FNBP1L: variants seen among roughly 807,000 people sequenced by gnomAD.
FNBP1L encodes the protein formin binding protein 1 like.
FNBP1L carries 36 observed loss-of-function variants against 91.2 expected under a neutral mutation model. The observed-to-expected ratio is 0.39, with a 90% CI of 0.30 to 0.52. FNBP1L has a LOEUF of 0.52. Among genes scored for constraint, FNBP1L ranks in the 20% least tolerant of loss-of-function variants. FNBP1L has a pLI of 0.66. For missense variants in FNBP1L, 571 were observed against 732.1 expected (o/e 0.78, Z 2.54); for synonymous variants, 242 against 237.0 (o/e 1.02, Z -0.19).
intron 1 of FNBP1L, among the ~76,000 whole-genome samples, chr1:93,460,347 C>A (rs1001418070): frequency 1.3e-5 from 2 of 152,184 alleles, no homozygotes; most frequent in Non-Finnish European, 2.9e-5. Context: ...ACCAGTTTTC[C>A]TGGCACCTTG....
intron 2 of FNBP1L, among the ~76,000 whole-genome samples, chr1:93,514,994 G>A (rs1245017909): frequency 6.6e-6 from 1 of 152,076 alleles, no homozygotes; most frequent in Non-Finnish European, 1.5e-5. Context: ...CTACAAAATG[G>A]GAGAAAATTT....
intron 5 of FNBP1L, among the ~76,000 whole-genome samples, chr1:93,526,825 T>C (rs1671510391): frequency 1.3e-5 from 2 of 152,174 alleles, no homozygotes; most frequent in African/African-American, 4.8e-5. Context: ...CAAGGAATTA[T>C]TAGGTAGGTG....
intron 2 of FNBP1L, among the ~76,000 whole-genome samples, chr1:93,500,420 A>T (rs1233375074): frequency 6.6e-6 from 1 of 152,164 alleles, no homozygotes; most frequent in Non-Finnish European, 1.5e-5. Context: ...ATCCTGGAGA[A>T]GAATGATGGT....
At chr1:93,482,526 GAAGTT>G (rs1209667895) in intron 1 of FNBP1L, among the ~76,000 whole-genome samples, 2 of 152,124 alleles carry the variant, frequency 1.3e-5, no homozygotes, top group African/African-American at 4.8e-5. Flanking sequence ...TTCTTGAAAT[GAAGTT>G]ATTTTTAAAA....
intron 1 of FNBP1L, among the ~76,000 whole-genome samples, chr1:93,477,316 C>T (rs1012050843): frequency 2.6e-5 from 4 of 152,154 alleles, no homozygotes; most frequent in Admixed American, 6.6e-5. Context: ...TGAGCTGAGA[C>T]ACATGTATAA....
At chr1:93,532,456 C>T (rs112369201) in intron 7 of FNBP1L, among the ~76,000 whole-genome samples, 154 of 118,646 alleles carry the variant, frequency 1.3e-3, no homozygotes, top group African/African-American at 4.6e-3. Context: ...GGCGACAGAG[C>T]GAGACTCCGC....
At chr1:93,547,841 C>T (rs1229002062) in intron 14 of FNBP1L, among the ~76,000 whole-genome samples, 3 of 152,112 alleles carry the variant, frequency 2.0e-5, no homozygotes, top group Admixed American at 6.6e-5. Context: ...TGGACCAGAG[C>T]TTCCAAAAGA....
intron 1 of FNBP1L, among the ~76,000 whole-genome samples, chr1:93,493,989 A>C (rs767782691): frequency 1.3e-5 from 2 of 152,138 alleles, no homozygotes; most frequent in African/African-American, 4.8e-5. Flanking sequence ...TTACAGTTCA[A>C]TTTTGTCACT....
At chr1:93,463,677 T>C (rs990136245) in intron 1 of FNBP1L, among the ~76,000 whole-genome samples, 2 of 152,162 alleles carry the variant, frequency 1.3e-5, no homozygotes, top group Non-Finnish European at 2.9e-5. Context: ...TGTATTGCAG[T>C]ACCAGAGTTG....
chr1:93,505,439 A>C (rs769340834), intron 2 of FNBP1L, among the ~76,000 whole-genome samples: 1 of 152,120 alleles, frequency 6.6e-6, no homozygotes, highest in Admixed American at 6.5e-5. Flanking sequence ...GCAACTTAGA[A>C]CTTTGTAAAA....
chr1:93,550,445 G>C (rs1238755914), intron 15 of FNBP1L, among the ~76,000 whole-genome samples: 1 of 152,184 alleles, frequency 6.6e-6, no homozygotes, highest in Non-Finnish European at 1.5e-5. Context: ...GTTGGGGATA[G>C]AGAGTGAAAG....
chr1:93,461,548 C>T lies in FNBP1L; in HGVS notation c.24+13243C>T, dbSNP rs188958547. Among the ~76,000 whole-genome samples, 47 of 145,890 alleles carry T rather than the reference C, an allele frequency of 3.2e-4. 1 individual carries two copies. Among genetic ancestry groups the T allele is most frequent in the Admixed American group, 2.5e-3 (36 of 14,366 alleles). On this transcript the variant is annotated intron_variant, in intron 1 of 16. Coordinates refer to ENST00000271234, the MANE Select transcript of FNBP1L (RefSeq NM_001164473.3). Reference sequence around the variant, plus strand: ...CTAACCATCGTGTTTGTATTTAAGGCGCAAAAAAAAAAGCAGGGAACAACA... The same window carrying T: ...CTAACCATCGTGTTTGTATTTAAGGTGCAAAAAAAAAAGCAGGGAACAACA...
chr1:93,478,691 T>C (rs567597952), intron 1 of FNBP1L, among the ~76,000 whole-genome samples: 1 of 152,304 alleles, frequency 6.6e-6, no homozygotes, highest in South Asian at 2.1e-4. Flanking sequence ...TGGAGATTGT[T>C]TTAAGTGAGT....
At chr1:93,522,687 A>G (rs1671369811) in intron 3 of FNBP1L, among the ~76,000 whole-genome samples, 1 of 152,192 alleles carries the variant, frequency 6.6e-6, no homozygotes, top group South Asian at 2.1e-4. Context: ...TAGGATTCTC[A>G]GGTTTAGTGT....
In FNBP1L at chr1:93,522,109, A is replaced by G. The variant is rs374895773; in HGVS notation, c.168A>G (p.Lys56=). The stretch of plus-strand genomic sequence containing the variant: ...ATCTGGTTAAGAAGTACTGCCCCAA[A>G]CGTTCATCCAAAGATGAAGAGCCAC... ...LRNLVKKYCP[K]RSSKDEEPRF... is the part of the protein sequence containing the mutation. The change falls in exon 3 of 17, where the codon AAA becomes AAG. Residue 56 remains lysine, a synonymous_variant. Coordinates refer to ENST00000271234, the MANE Select transcript of FNBP1L (RefSeq NM_001164473.3). 2 of 1,521,718 alleles carry G rather than the reference A, an allele frequency of 1.3e-6. No individual in the cohort carries two copies. Among genetic ancestry groups the G allele is most frequent in the Non-Finnish European group, 8.8e-7 (1 of 1,133,996 alleles). 94.3% of individuals were successfully genotyped at this position (1,521,718 alleles called of 1,614,324 possible).
chr1:93,546,900 G>A lies in FNBP1L; in HGVS notation c.1333G>A (p.Gly445Arg). The change falls in exon 13 of 17, where the codon GGG (glycine) becomes AGG (arginine). Residue 445 changes from glycine to arginine, a missense_variant. Transcript: ENST00000271234. ...GAAGAATCCACAAATGGGGGATCCA[G>A]GGAGTTTGCAGCCTAAATTAGCAGA... ...YEKNPQMGDP[G>R]SLQPKLAETM... 6.2e-7 allele frequency: 1 copy of A among 1,613,032 alleles called. No homozygotes were observed. The highest frequency in any genetic ancestry group is 8.5e-7 in the Non-Finnish European group (1 of 1,179,474).
At chr1:93,526,716 A>G (rs1671507065) in intron 5 of FNBP1L, among the ~76,000 whole-genome samples, 1 of 152,266 alleles carries the variant, frequency 6.6e-6, no homozygotes, top group Non-Finnish European at 1.5e-5. Context: ...GGGAAAAACA[A>G]TCTTTTCTGG....
At chr1:93,449,407 C>G (rs879468768) in intron 1 of FNBP1L, among the ~76,000 whole-genome samples, 1 of 152,082 alleles carries the variant, frequency 6.6e-6, no homozygotes, top group Non-Finnish European at 1.5e-5. Context: ...GCCTTTTGTT[C>G]GCGAGGATCT....
intron 10 of FNBP1L, among the ~76,000 whole-genome samples, chr1:93,536,759 C>T (rs1157101393): frequency 6.6e-6 from 1 of 151,782 alleles, no homozygotes; most frequent in Non-Finnish European, 1.5e-5. Flanking sequence ...ATATGTTCAC[C>T]ATTGTCTTGT....
Sources: gnomAD v4.1 joint callset for allele counts (sites outside exome capture counted in the v4.1 genomes callset) on GRCh38, gnomAD v4.1.1 for gene constraint, MANE v1.5 for transcripts, NCBI Gene and HGNC (gene_info 2026-07-23, HGNC 2026-07-21) for gene names.